Variants in PPP2R2C observed in about 807,000 individuals in gnomAD.
PPP2R2C encodes protein phosphatase 2, regulatory subunit B, gamma.
In PPP2R2C, 10 loss-of-function variants were observed where a neutral mutation model predicts 45.3. The ratio of observed to expected loss-of-function variants is 0.22; its 90% confidence interval spans 0.14 to 0.37. The LOEUF (loss-of-function observed/expected upper bound fraction) is 0.37. PPP2R2C is among the 10% of genes least tolerant of loss of function. PPP2R2C has a pLI of 1.00. For synonymous variants in PPP2R2C, 257 were observed against 245.4 expected, an observed-to-expected ratio of 1.05 and a Z score of -0.44; for missense variants, 308 against 619.7, an observed-to-expected ratio of 0.50 and a Z score of 5.34.
chr4:6,498,013 T>C (rs943162263), intron 2 of PPP2R2C, among the ~76,000 whole-genome samples: 17 of 152,214 alleles, frequency 1.1e-4, no homozygotes, highest in African/African-American at 3.9e-4. Context: ...TTGGCTTTGG[T>C]GCCAGTACAT....
intron 2 of PPP2R2C, among the ~76,000 whole-genome samples, chr4:6,495,160 C>T (rs1722836682): frequency 6.6e-6 from 1 of 152,252 alleles, no homozygotes; most frequent in Non-Finnish European, 1.5e-5. Flanking sequence ...AGTCCTCAGG[C>T]TGAGAGCCAC....
intron 2 of PPP2R2C, among the ~76,000 whole-genome samples, chr4:6,527,182 C>T (rs1053191811): frequency 6.6e-6 from 1 of 152,170 alleles, no homozygotes; most frequent in African/African-American, 2.4e-5. Flanking sequence ...GAATTCCAAA[C>T]GAACTGGCTT....
intron 6 of PPP2R2C, among the ~76,000 whole-genome samples, chr4:6,343,724 C>A (rs1015784471): frequency 1.3e-5 from 2 of 152,028 alleles, no homozygotes; most frequent in Non-Finnish European, 2.9e-5. Flanking sequence ...GAAAAAAATT[C>A]TTCTCTCCCT....
intron 6 of PPP2R2C, among the ~76,000 whole-genome samples, chr4:6,334,014 GGATTT>G (rs755390854): frequency 6.6e-6 from 1 of 152,134 alleles, no homozygotes; most frequent in Non-Finnish European, 1.5e-5. Context: ...GGTAGAGTCG[GGATTT>G]GAAGCCAAAG....
upstream of PPP2R2C, among the ~76,000 whole-genome samples, chr4:6,474,082 G>A (rs112753616): frequency 6.6e-6 from 1 of 152,186 alleles, no homozygotes. Context: ...AGGGCCGGAA[G>A]GATGTGCTTG....
intron 2 of PPP2R2C, among the ~76,000 whole-genome samples, chr4:6,512,506 GTGATGTTGGTGGTGGTGGTGGTGA>G (rs1723668007): frequency 9.6e-6 from 1 of 103,772 alleles, no homozygotes; most frequent in African/African-American, 3.6e-5. Context: ...GGTGGTGGTG[GTGATGTTGGTGGTGGTGGTGGTGA>G]TGGTGATGGT....
chr4:6,325,080 G>A (rs1309213315), intron 8 of PPP2R2C, among the ~76,000 whole-genome samples: 1 of 152,310 alleles, frequency 6.6e-6, no homozygotes, highest in East Asian at 1.9e-4. Flanking sequence ...AAGCTCACAC[G>A]TGAGCTCCGG....
Position 6,468,932 on chromosome 4 carries a change from A to C in PPP2R2C, c.70+3228T>G, listed in dbSNP as rs879689784. On this transcript the variant is annotated intron_variant, in intron 1 of 8. Transcript: ENST00000382599. Reference sequence around the variant, plus strand: ...TCCAGGGCCCAGGGCCCAGTGCCCTATCAGCTGCACTGCTCTCCCCACACC... The same window carrying C: ...TCCAGGGCCCAGGGCCCAGTGCCCTCTCAGCTGCACTGCTCTCCCCACACC... Among the ~76,000 whole-genome samples the C allele has an allele frequency of 4.0e-5, 6 of 151,864 alleles. 1 individual carries two copies. The highest frequency in any genetic ancestry group is 3.3e-4 in the Admixed American group (5 of 15,246).
intron 1 of PPP2R2C, among the ~76,000 whole-genome samples, chr4:6,557,456 G>A (rs1161494669): frequency 6.6e-6 from 1 of 152,194 alleles, no homozygotes; most frequent in African/African-American, 2.4e-5. Context: ...AGACTCCCTG[G>A]GTGGGACGTA....
chr4:6,456,309 C>T (rs1267641118), intron 1 of PPP2R2C, among the ~76,000 whole-genome samples: 57 of 3,836 alleles, frequency 0.015, no homozygotes, highest in South Asian at 0.083. Flanking sequence ...ATGTTATTTC[C>T]CCCCCCCCCC....
intron 1 of PPP2R2C, among the ~76,000 whole-genome samples, chr4:6,431,944 T>C (rs1719646821): frequency 6.6e-6 from 1 of 152,086 alleles, no homozygotes; most frequent in Admixed American, 6.5e-5. Flanking sequence ...GGGGAGGGCC[T>C]CTTCATAGTT....
chr4:6,428,692 C>T (rs1402030771), intron 1 of PPP2R2C, among the ~76,000 whole-genome samples: 1 of 152,222 alleles, frequency 6.6e-6, no homozygotes, highest in East Asian at 1.9e-4. Context: ...ACTGCAAATG[C>T]CAACAGTGAC....
rs142509881 is a variant in PPP2R2C at position 6,372,593 on chromosome 4, G to T, written c.555C>A (p.Cys185Ter). The T allele has an allele frequency of 6.2e-7, 1 of 1,614,078 alleles. No individual in the cohort carries two copies. The change falls in exon 5 of 9, where the codon TGC (cysteine) becomes TGA (stop). Residue 185 changes from cysteine to a stop codon, truncating the protein, a stop_gained. Coordinates refer to ENST00000382599, the MANE Select transcript of PPP2R2C (RefSeq NM_020416.4). LOFTEE classifies it high-confidence loss of function. ...GGTCATCCGCCGACATGTAGGTCTC[G>T]CAGTCACTGTTGACGGAGATGGAGT... ...HINSISVNSD[C>*]ETYMSADDLR...
chr4:6,560,932 C>T (rs1725552946), intron 1 of PPP2R2C, among the ~76,000 whole-genome samples: 1 of 152,216 alleles, frequency 6.6e-6, no homozygotes, highest in African/African-American at 2.4e-5. Context: ...TGGACCCCAC[C>T]CTTCCTCCTC....
chr4:6,340,306 G>T (rs1229952538), intron 6 of PPP2R2C, among the ~76,000 whole-genome samples: 2 of 152,106 alleles, frequency 1.3e-5, no homozygotes, highest in African/African-American at 4.8e-5. Flanking sequence ...CACTACTGTG[G>T]GGTGGGGCAC....
intron 1 of PPP2R2C, among the ~76,000 whole-genome samples, chr4:6,390,629 C>T (rs778046650): frequency 1.5e-4 from 23 of 152,208 alleles, no homozygotes; most frequent in Non-Finnish European, 3.1e-4. Flanking sequence ...GAGTGAGTGA[C>T]GGAAGGCCGT....
At chr4:6,512,016 T>G (rs202191246) in intron 2 of PPP2R2C, among the ~76,000 whole-genome samples, 12 of 18 alleles carry the variant, frequency 0.67, 4 homozygotes, top group Admixed American at 1. Flanking sequence ...TGGTGGTGGT[T>G]GTGGTGGCGG....
chr4:6,406,087 T>A (rs1012264816), intron 1 of PPP2R2C, among the ~76,000 whole-genome samples: 1 of 152,200 alleles, frequency 6.6e-6, no homozygotes, highest in African/African-American at 2.4e-5. Context: ...ATGTTGAGCC[T>A]CACCCTATTC....
At chr4:6,455,399 C>G (rs1720968210) in intron 1 of PPP2R2C, among the ~76,000 whole-genome samples, 1 of 152,136 alleles carries the variant, frequency 6.6e-6, no homozygotes, top group African/African-American at 2.4e-5. Flanking sequence ...GGGAGAAGCT[C>G]TCTCTGTCCT....
Sources: gnomAD v4.1 joint callset for allele counts (sites outside exome capture counted in the v4.1 genomes callset) on GRCh38, gnomAD v4.1.1 for gene constraint, MANE v1.5 for transcripts, NCBI Gene and HGNC (gene_info 2026-07-23, HGNC 2026-07-21) for gene names.